The following NFRKB variants were observed in gnomAD, a reference collection of about 807,000 sequenced individuals.
NFRKB encodes nuclear factor related to kappaB binding protein.
In NFRKB, 62 loss-of-function variants were observed where a neutral mutation model predicts 135.7. The observed-to-expected ratio is 0.46, with a 90% CI of 0.37 to 0.56. NFRKB has a LOEUF of 0.56. Among genes scored for constraint, NFRKB ranks in the 20% least tolerant of loss-of-function variants. NFRKB has a pLI of 0.00. For synonymous variants in NFRKB, 678 were observed against 635.6 expected (o/e 1.07, Z -1.00); for missense variants, 1,545 against 1,662.0 (o/e 0.93, Z 1.22).
Position 129,873,031 on chromosome 11 carries a change from G to A in NFRKB, c.2616C>T (p.Pro872=), listed in dbSNP as rs764346062. Residue 872 remains proline (P), a synonymous_variant, in exon 23 of 27, where the codon CCC becomes CCT. Transcript: ENST00000682444. The part of the protein sequence containing the change: ...TTAATVQRPG[P]GQTGLTVTSL... ...TTGTCACCGTGAGCCCTGTCTGCCC[G>A]GGTCCAGGCCGCTGCACAGTGGCTG... 1.7e-5 allele frequency: 28 copies of A among 1,613,952 alleles called. No individual in the cohort carries two copies. Among genetic ancestry groups the A allele is most frequent in the South Asian group, 9.9e-5 (9 of 91,090 alleles).
At position 129,879,648 on chromosome 11, in the gene NFRKB, C is replaced by T. The variant is rs564829226; in HGVS notation, c.1385-1105G>A. ...TCAGGAAAACCCTGCTCCAGGCTTT[C>T]CCCATCTCTATAGTCAACCCCTGCC... On this transcript the variant is annotated intron_variant, in intron 13 of 26. Transcript: ENST00000682444. Among the ~76,000 whole-genome samples the T allele has an allele frequency of 1.4e-4, 21 of 152,314 alleles. 1 individual carries two copies. The highest frequency in any genetic ancestry group is 2.6e-4 in the Admixed American group (4 of 15,296).
chr11:129,890,896 C>T (rs1234510312), intron 3 of NFRKB, among the ~76,000 whole-genome samples: 1 of 152,188 alleles, frequency 6.6e-6, no homozygotes. Flanking sequence ...ATTTTAAACA[C>T]ATATATAATT....
chr11:129,875,671 T>G (rs1387933031), intron 17 of NFRKB, among the ~76,000 whole-genome samples: 1 of 149,916 alleles, frequency 6.7e-6, no homozygotes, highest in Non-Finnish European at 1.5e-5. Flanking sequence ...TTTTTTTTTT[T>G]TTTTGAGACA....
At chr11:129,888,849 T>C in intron 3 of NFRKB, 54 bp from the exon 4 acceptor site, 3 of 1,288,126 alleles carry the variant, frequency 2.3e-6, no homozygotes, top group African/African-American at 1.5e-5. Context: ...GAGTTTTTTG[T>C]ATGTATGCGT....
chr11:129,885,708 G>T, intron 5 of NFRKB, 99 bp from the exon 6 acceptor site: 1 of 1,102,908 alleles, frequency 9.1e-7, no homozygotes, highest in Non-Finnish European at 1.3e-6. Flanking sequence ...TCAGTGTTAA[G>T]CCCAACTCCC....
chr11:129,875,949 A>G (rs538772502), intron 17 of NFRKB, among the ~76,000 whole-genome samples: 1 of 152,220 alleles, frequency 6.6e-6, no homozygotes, highest in South Asian at 2.1e-4. Context: ...GAGCCATCGC[A>G]TCCAGCCCTT....
At chr11:129,873,585 C>T (rs183607681) in intron 22 of NFRKB, among the ~76,000 whole-genome samples, 160 bp downstream of exon 22, 6 of 152,366 alleles carry the variant, frequency 3.9e-5, no homozygotes, top group Admixed American at 3.3e-4. Context: ...AAAACGCTTA[C>T]ACAGCTCTGA....
At chr11:129,883,882 G>A (rs1341151168) in intron 8 of NFRKB, among the ~76,000 whole-genome samples, 188 bp downstream of exon 8, 1 of 152,174 alleles carries the variant, frequency 6.6e-6, no homozygotes, top group Non-Finnish European at 1.5e-5. Flanking sequence ...ACATTCAGCA[G>A]GCCCTGCGAA....
intron 23 of NFRKB, among the ~76,000 whole-genome samples, chr11:129,871,128 T>C (rs139645668): frequency 4.8e-4 from 73 of 152,374 alleles, no homozygotes; most frequent in African/African-American, 1.3e-3. Context: ...TCCCGTGTAG[T>C]TAAAATCATC....
intron 6 of NFRKB, 99 bp from the exon 7 acceptor site, chr11:129,884,945 C>T (rs1015552520): frequency 2.0e-5 from 32 of 1,571,216 alleles, no homozygotes; most frequent in Non-Finnish European, 2.6e-5. Context: ...GCTAAGCCAA[C>T]AACATGGAGG....
chr11:129,885,020 C>T (rs1275559810), intron 6 of NFRKB, 174 bp from the exon 7 acceptor site: 14 of 891,826 alleles, frequency 1.6e-5, no homozygotes, highest in East Asian at 8.1e-5. Context: ...GGTCATCTAA[C>T]GGCTCTTCCA....
chr11:129,875,824 T>G (rs1948742034), intron 17 of NFRKB, among the ~76,000 whole-genome samples: 1 of 151,914 alleles, frequency 6.6e-6, no homozygotes, highest in Non-Finnish European at 1.5e-5. Context: ...GTCCAGCTGA[T>G]TTTTGGATTT....
At position 129,883,296 on chromosome 11, in the gene NFRKB, T is replaced by C. The variant is rs915116316; in HGVS notation, c.817-90A>G. ...GCCAATTTATGTAACAATTAGATGTTAGGTACACTTGGGGAAATCACATTG... is the reference window on the plus strand; with the variant it reads ...GCCAATTTATGTAACAATTAGATGTCAGGTACACTTGGGGAAATCACATTG... On this transcript the variant is annotated intron_variant, in intron 8 of 26. Transcript: ENST00000682444. 9.1e-6 allele frequency: 8 copies of C among 883,132 alleles called. No individual in the cohort carries two copies. The African/African-American group carries it at 1.3e-4, about 15-fold the overall frequency. The allele number at this position is 883,132 out of a possible 1,614,324, so 54.7% of individuals were successfully genotyped here.
chr11:129,887,080 C>G (rs1007506593), intron 4 of NFRKB, among the ~76,000 whole-genome samples: 1 of 152,352 alleles, frequency 6.6e-6, no homozygotes, highest in Non-Finnish European at 1.5e-5. Context: ...TCCAGATGTG[C>G]TGCCCATTCA....
intron 16 of NFRKB, 110 bp downstream of exon 16, chr11:129,877,215 G>C (rs945573912): frequency 3.6e-6 from 4 of 1,115,348 alleles, no homozygotes; most frequent in Non-Finnish European, 5.4e-6. Context: ...AGGTCTAAGG[G>C]GAAAGGTATG....
intron 23 of NFRKB, among the ~76,000 whole-genome samples, chr11:129,871,039 C>T (rs1948475032): frequency 6.6e-6 from 1 of 152,140 alleles, no homozygotes; most frequent in Admixed American, 6.5e-5. Context: ...CCAGGATGCC[C>T]CTAGGTAGAT....
Position 129,873,073 on chromosome 11 carries a change from G to A in NFRKB, c.2574C>T (p.Val858=), listed in dbSNP as rs1239071962. 6.2e-7 allele frequency: 1 copy of A among 1,610,942 alleles called. No individual in the cohort carries two copies. The part of the protein sequence containing the change: ...VPQTVMATVP[V]KAQTTAATVQ... ...CAGTGGCTGCCGTAGTCTGCGCTTT[G>A]ACGGGCACAGTGGCCATTACTGTCT... is the stretch of plus-strand genomic sequence containing the variant. Residue 858 remains valine, a synonymous_variant, in exon 23 of 27, where the codon GTC becomes GTT. Coordinates refer to ENST00000682444, the MANE Select transcript of NFRKB (RefSeq NM_001143835.2).
intron 4 of NFRKB, 83 bp downstream of exon 4, chr11:129,888,511 A>G (rs1949388251): frequency 7.6e-6 from 10 of 1,318,732 alleles, no homozygotes; most frequent in Non-Finnish European, 9.9e-6. Flanking sequence ...TAAAAAGAAG[A>G]AAAGGAAGAA....
Position 129,865,980 on chromosome 11 carries a change from T to A in NFRKB, c.3535A>T (p.Lys1179Ter). The A allele has an allele frequency of 6.3e-7, 1 of 1,578,956 alleles. No individual in the cohort carries two copies. Among genetic ancestry groups the A allele is most frequent in the Admixed American group, 1.9e-5 (1 of 53,534 alleles). ...TTVVSTSQAG[K>*]LPTRITVPLS... ...GGAACTGTGATCCGTGTAGGCAACT[T>A]CCCCTAGAAAAAAAAAGCAGTCAGG... is the stretch of plus-strand genomic sequence containing the variant. Residue 1179 changes from lysine (K) to a stop codon, truncating the protein, a stop_gained, in exon 25 of 27, where the codon AAG becomes TAG. Coordinates refer to ENST00000682444, the MANE Select transcript of NFRKB (RefSeq NM_001143835.2). LOFTEE classifies it high-confidence loss of function.
Sources: allele counts gnomAD v4.1 joint callset (sites outside exome capture counted in the v4.1 genomes callset), GRCh38; gene constraint gnomAD v4.1.1; transcripts MANE v1.5; gene names NCBI Gene and HGNC (gene_info 2026-07-23, HGNC 2026-07-21).